The following PKP4 variants were observed in gnomAD, a reference collection of about 807,000 sequenced individuals.
The protein encoded by PKP4 is plakophilin 4, also known as plakophilin-4.
Under a neutral mutation model 145.1 loss-of-function variants are expected in PKP4, and 90 were observed. That is an observed-to-expected ratio of 0.62 (90% CI 0.52 to 0.74). The LOEUF is 0.74. Ranked by LOEUF, PKP4 falls within the 30% of genes least tolerant of loss-of-function variation. PKP4 has a pLI of 0.00. For synonymous variants in PKP4, 563 were observed against 577.2 expected (o/e 0.98, Z 0.35); for missense variants, 1,340 against 1,482.7 (o/e 0.90, Z 1.58).
At chr2:158,475,999 T>G (rs1033835384) in intron 1 of PKP4, among the ~76,000 whole-genome samples, 1 of 152,226 alleles carries the variant, frequency 6.6e-6, no homozygotes, top group Non-Finnish European at 1.5e-5. Context: ...TTTCAAATAG[T>G]TCTTGTCTCT....
chr2:158,623,891 A>G (rs2052505221), intron 6 of PKP4, among the ~76,000 whole-genome samples: 1 of 152,158 alleles, frequency 6.6e-6, no homozygotes, highest in East Asian at 1.9e-4. Context: ...TTTCCCATAC[A>G]TGTTTCCCTT....
intron 1 of PKP4, among the ~76,000 whole-genome samples, chr2:158,519,146 T>TC (rs1275097794): frequency 8.1e-6 from 1 of 123,168 alleles, no homozygotes; most frequent in Non-Finnish European, 2.0e-5. Flanking sequence ...AATCTCTCTC[T>TC]TTTTTTTTTT....
intron 1 of PKP4, among the ~76,000 whole-genome samples, chr2:158,522,680 C>A (rs890028995): frequency 6.6e-6 from 1 of 152,204 alleles, no homozygotes; most frequent in African/African-American, 2.4e-5. Context: ...GCGTGAGCGA[C>A]GCAGAAGACG....
At chr2:158,467,538 T>G in intron 1 of PKP4, among the ~76,000 whole-genome samples, 1 of 93,982 alleles carries the variant, frequency 1.1e-5, no homozygotes, top group Non-Finnish European at 2.0e-5. Context: ...GGTGAGAGAG[T>G]GAGACCTTGT....
chr2:158,640,566 T>G (rs999399327), intron 9 of PKP4, 61 bp from the exon 10 acceptor site: 50 of 1,575,586 alleles, frequency 3.2e-5, no homozygotes, highest in Non-Finnish European at 4.2e-5. Flanking sequence ...ACCAAGTGTT[T>G]TTTTCAGTGT....
chr2:158,609,516 T>C (rs1364646198), intron 4 of PKP4, among the ~76,000 whole-genome samples: 3 of 152,234 alleles, frequency 2.0e-5, no homozygotes, highest in African/African-American at 7.2e-5. Flanking sequence ...ACACTTTCTC[T>C]ACCTTTTTTC....
intron 3 of PKP4, among the ~76,000 whole-genome samples, chr2:158,596,696 T>C (rs1298842007): frequency 6.6e-6 from 1 of 152,062 alleles, no homozygotes; most frequent in Non-Finnish European, 1.5e-5. Flanking sequence ...AAGTAGATCA[T>C]GTAACGCTAC....
At chr2:158,484,032 CTTTTT>C (rs11289096) in intron 1 of PKP4, among the ~76,000 whole-genome samples, 2 of 95,944 alleles carry the variant, frequency 2.1e-5, no homozygotes, top group African/African-American at 3.7e-5. Context: ...TTTTCTTTTT[CTTTTT>C]TTTTTTTTTT....
At position 158,464,541 on chromosome 2, in the gene PKP4, TC is replaced by T. The variant is rs1690287840; in HGVS notation, c.-6+7327del. Among the ~76,000 whole-genome samples the T allele has an allele frequency of 2.0e-5, 3 of 152,244 alleles. No homozygotes were observed. The South Asian group carries it at 6.2e-4, about 32-fold the overall frequency. ...GTTTAAAAATATTGAGGTTAGCTCT[TC>T]CCCTTTGCTAATGCAATAAGCACAT... On this transcript the variant is annotated intron_variant, in intron 1 of 21. Transcript: ENST00000389759.
intron 2 of PKP4, among the ~76,000 whole-genome samples, chr2:158,544,046 C>CAATTGCTTATG (rs1377125433): frequency 6.6e-6 from 1 of 152,176 alleles, no homozygotes; most frequent in Non-Finnish European, 1.5e-5. Context: ...TAGTCACACA[C>CAATTGCTTATG]AATTCATAAG....
chr2:158,490,549 A>G (rs576721444), intron 1 of PKP4, among the ~76,000 whole-genome samples: 13 of 152,206 alleles, frequency 8.5e-5, no homozygotes, highest in Non-Finnish European at 1.3e-4. Context: ...CTAATTTGTC[A>G]TAGAGGATTG....
intron 1 of PKP4, among the ~76,000 whole-genome samples, chr2:158,530,454 G>T (rs1000053153): frequency 1.3e-4 from 19 of 150,040 alleles, no homozygotes; most frequent in African/African-American, 4.4e-4. Context: ...TGAGGGAAGC[G>T]TGAGGCCTAA....
At chr2:158,540,092 C>G (rs935778200) in intron 2 of PKP4, among the ~76,000 whole-genome samples, 1 of 152,194 alleles carries the variant, frequency 6.6e-6, no homozygotes, top group Non-Finnish European at 1.5e-5. Context: ...ATTTGGCTAC[C>G]TGCCTACATT....
At chr2:158,607,193 A>T (rs2050727558) in intron 4 of PKP4, among the ~76,000 whole-genome samples, 1 of 152,210 alleles carries the variant, frequency 6.6e-6, no homozygotes, top group African/African-American at 2.4e-5. Flanking sequence ...TGATCTTCTC[A>T]TATTGCCACA....
intron 6 of PKP4, among the ~76,000 whole-genome samples, chr2:158,622,998 G>C (rs2052400998): frequency 6.6e-6 from 1 of 152,126 alleles, no homozygotes; most frequent in South Asian, 2.1e-4. Flanking sequence ...TTTCTCACTA[G>C]AGCTAAAGAA....
intron 1 of PKP4, among the ~76,000 whole-genome samples, chr2:158,472,242 C>T (rs1273903937): frequency 6.6e-6 from 1 of 152,134 alleles, no homozygotes; most frequent in African/African-American, 2.4e-5. Flanking sequence ...ATGTATACTT[C>T]AACATCGTGC....
rs556775567 is a variant in PKP4 at position 158,563,221 on chromosome 2, T to C, written c.133-14050T>C. Among the ~76,000 whole-genome samples the C allele has an allele frequency of 4.5e-4, 69 of 152,280 alleles. 2 individuals are homozygous for C. In the South Asian group the frequency reaches 0.014, roughly 31 times the overall value. ...AAAAATTGGGATTGTAGTGTGGTTT[T>C]ACGTAAGCAAACAACTCTTACTCTA... On this transcript the variant is annotated intron_variant, in intron 2 of 21. Coordinates refer to ENST00000389759, the MANE Select transcript of PKP4 (RefSeq NM_003628.6).
intron 1 of PKP4, 114 bp from the exon 2 acceptor site, chr2:158,533,066 G>C: frequency 9.5e-7 from 1 of 1,057,592 alleles, no homozygotes; most frequent in East Asian, 2.7e-5. Context: ...ACAAGTTTTT[G>C]ATCATGGTGT....
At chr2:158,487,936 A>G (rs1694406842) in intron 1 of PKP4, among the ~76,000 whole-genome samples, 1 of 152,220 alleles carries the variant, frequency 6.6e-6, no homozygotes, top group South Asian at 2.1e-4. Flanking sequence ...GTAGAAAACT[A>G]TGGAGATATG....
Sources: gnomAD v4.1 joint callset for allele counts (sites outside exome capture counted in the v4.1 genomes callset) on GRCh38, gnomAD v4.1.1 for gene constraint, MANE v1.5 for transcripts, NCBI Gene and HGNC (gene_info 2026-07-23, HGNC 2026-07-21) for gene names.